The following DCTN4 variants were observed in gnomAD, a reference collection of about 807,000 sequenced individuals.
The protein encoded by DCTN4 is dynactin subunit 4, also known as dynactin 4 (p62).
Under a neutral mutation model 62.7 loss-of-function variants are expected in DCTN4, and 23 were observed. The ratio of observed to expected loss-of-function variants is 0.37; its 90% CI spans 0.26 to 0.52. The LOEUF (loss-of-function observed/expected upper bound fraction) is 0.52, where lower values mean the gene tolerates loss of function less well. Ranked by LOEUF, DCTN4 falls within the 20% of genes least tolerant of loss-of-function variation. DCTN4 has a pLI of 0.92. For missense variants in DCTN4, 514 were observed against 580.4 expected (o/e 0.89, Z 1.18); for synonymous variants, 199 against 202.1 (o/e 0.98, Z 0.13).
chr5:150,754,517 G>A (rs1752788103), intron 2 of DCTN4, among the ~76,000 whole-genome samples: 1 of 152,228 alleles, frequency 6.6e-6, no homozygotes, highest in Non-Finnish European at 1.5e-5. Context: ...ATGGGGGTAT[G>A]ACTAACAGCA....
intron 4 of DCTN4, chr5:150,734,219 C>A (rs1760492276): frequency 6.6e-6 from 1 of 152,114 alleles, no homozygotes; most frequent in African/African-American, 2.4e-5. Context: ...CAGGAACATA[C>A]TAGGAAAACT....
rs140284460 is a variant in DCTN4 at position 150,710,970 on chromosome 5, C to T, written c.*179G>A. ...GTGTCAACAGGGGTGAGAGCAAGAG[C>T]AACAGCAGCTACCCTGTGTTCCCAA... On this transcript the variant is annotated 3_prime_UTR_variant, in exon 13 of 13. Coordinates refer to ENST00000447998, the MANE Select transcript of DCTN4 (RefSeq NM_016221.4). 3.1e-4 allele frequency: 194 copies of T among 629,728 alleles called. No individual in the cohort carries two copies. Among genetic ancestry groups the T allele is most frequent in the Middle Eastern group, 1.3e-3 (3 of 2,288 alleles). The allele number at this position is 629,728 out of a possible 1,614,324, so 39.0% of individuals were successfully genotyped here. A position where few individuals can be genotyped will look rare whatever the true frequency, so the allele number is the denominator to read the frequency against.
At chr5:150,747,681 C>A (rs1245360090) in intron 3 of DCTN4, among the ~76,000 whole-genome samples, 1 of 151,354 alleles carries the variant, frequency 6.6e-6, no homozygotes, top group African/African-American at 2.4e-5. Flanking sequence ...GAAAAACAAG[C>A]AATGGGGAAA....
chr5:150,748,410 T>C (rs916086281), intron 3 of DCTN4, among the ~76,000 whole-genome samples: 19 of 152,086 alleles, frequency 1.2e-4, no homozygotes, highest in Admixed American at 2.0e-4. Context: ...CTAGAAATAC[T>C]ATTTGACCCA....
At chr5:150,746,349 T>C (rs1338280577) in intron 3 of DCTN4, among the ~76,000 whole-genome samples, 3 of 152,218 alleles carry the variant, frequency 2.0e-5, no homozygotes, top group Non-Finnish European at 4.4e-5. Flanking sequence ...AGCCAAATTC[T>C]ACCAGACGTA....
chr5:150,731,075 G>A lies in DCTN4; in HGVS notation c.693C>T (p.Asp231=), dbSNP rs1760343954. The A allele has an allele frequency of 6.2e-7, 1 of 1,608,430 alleles. No homozygotes were observed. The highest frequency in any genetic ancestry group is 1.7e-5 in the Admixed American group (1 of 59,986). ...AVDEVEPLPE[D]YYTRPVNLTE... is the part of the protein sequence containing the mutation. ...TTAAATTTACTGGTCTTGTATAATAGTCTTCAGGTAGAGGTTCCACTTCAT... is the reference window on the plus strand; with the variant it reads ...TTAAATTTACTGGTCTTGTATAATAATCTTCAGGTAGAGGTTCCACTTCAT... The change falls in exon 7 of 13, where the codon GAC becomes GAT. Residue 231 remains aspartate, a synonymous_variant. Transcript: ENST00000447998.
intron 9 of DCTN4, among the ~76,000 whole-genome samples, chr5:150,722,239 A>G (rs962011074): frequency 1.3e-5 from 2 of 152,230 alleles, no homozygotes; most frequent in African/African-American, 4.8e-5. Context: ...CTTACTCCAA[A>G]GCTAGACAAT....
intron 1 of DCTN4, chr5:150,758,160 G>A: frequency 1.1e-5 from 11 of 985,548 alleles, no homozygotes; most frequent in Non-Finnish European, 1.3e-5. Context: ...TGTGCCAAGC[G>A]CTGCAGAAGT....
intron 11 of DCTN4, among the ~76,000 whole-genome samples, chr5:150,716,747 G>A (rs142253204): frequency 0.017 from 2,585 of 152,110 alleles, 242 homozygotes; most frequent in Admixed American, 0.15. Flanking sequence ...GTGAAACCCC[G>A]TCTCTACTAA....
chr5:150,713,640 C>T (rs1481729942), intron 12 of DCTN4, among the ~76,000 whole-genome samples: 2 of 150,834 alleles, frequency 1.3e-5, no homozygotes, highest in Non-Finnish European at 3.0e-5. Context: ...GACAGGATTT[C>T]GCCATGTTGG....
rs541531968 is a variant in DCTN4, at chr5:150,725,205, T to TAA, written c.835-2226_835-2225insTT. The stretch of plus-strand genomic sequence containing the variant: ...AGTATCCCATATTAACACATTCTTT[T>TAA]ATAAATTTATAGTACTCATTCTGCG... On this transcript the variant is annotated intron_variant, in intron 8 of 12. Coordinates refer to ENST00000447998, the MANE Select transcript of DCTN4 (RefSeq NM_016221.4). 9.2e-5 allele frequency among the ~76,000 whole-genome samples: 14 copies of TAA among 151,758 alleles called. No homozygotes were observed. In the East Asian group the frequency reaches 2.1e-3, roughly 23 times the overall value.
chr5:150,719,704 C>G lies in DCTN4; in HGVS notation c.963+12G>C. The G allele has an allele frequency of 1.3e-6, 2 of 1,592,612 alleles. No homozygotes were observed. Among genetic ancestry groups the G allele is most frequent in the Non-Finnish European group, 1.7e-6 (2 of 1,160,988 alleles). On this transcript the variant is annotated intron_variant, in intron 10 of 12. Coordinates refer to ENST00000447998, the MANE Select transcript of DCTN4 (RefSeq NM_016221.4). ...AATCCTTTTTCTTCCTGTTAATGAG[C>G]AAGGTACTAACCTTCATGTAGCGAA...
Position 150,711,345 on chromosome 5 carries a change from T to C in DCTN4, c.1187A>G (p.Lys396Arg). The change falls in exon 13 of 13, where the codon AAG becomes AGG. Residue 396 changes from lysine (K) to arginine (R), a missense_variant. Transcript: ENST00000447998. Reference protein sequence around the residue: ...QDDPDIIAFRKANKVGIFIKV... With the variant: ...QDDPDIIAFRRANKVGIFIKV... ...GATGAAAATACCCACTTTGTTGGCCTTTCTGAAGGCTATAATGCTATGGAA... is the reference window on the plus strand; with the variant it reads ...GATGAAAATACCCACTTTGTTGGCCCTTCTGAAGGCTATAATGCTATGGAA... 2 of 1,613,088 alleles carry C rather than the reference T, an allele frequency of 1.2e-6. No individual in the cohort carries two copies. The highest frequency in any genetic ancestry group is 1.7e-6 in the Non-Finnish European group (2 of 1,179,988).
intron 4 of DCTN4, among the ~76,000 whole-genome samples, chr5:150,741,065 TG>T (rs1333435178): frequency 6.7e-6 from 1 of 148,756 alleles, no homozygotes; most frequent in Non-Finnish European, 1.5e-5. Context: ...TTTAAATGGC[TG>T]AGGTGGGAGG....
Position 150,756,472 on chromosome 5 carries a change from A to G in DCTN4, c.151T>C (p.Cys51Arg), listed in dbSNP as rs2113161694. The G allele has an allele frequency of 6.2e-7, 1 of 1,602,540 alleles. No homozygotes were observed. The change falls in exon 2 of 13, where the codon TGT becomes CGT. Residue 51 changes from cysteine (C) to arginine (R), a missense_variant. By Grantham distance (180) the Cys-to-Arg change is radical (BLOSUM62 -3). Transcript: ENST00000447998. ...GGCATATTTTCTAAACAACTGGGACAATAATGGGAGTCCACCTAGGAGGAA... is the reference window on the plus strand; with the variant it reads ...GGCATATTTTCTAAACAACTGGGACGATAATGGGAGTCCACCTAGGAGGAA... ...CVSHEVDSHY[C>R]PSCLENMPSA... is the part of the protein sequence containing the mutation.
intron 3 of DCTN4, among the ~76,000 whole-genome samples, chr5:150,752,405 A>G (rs1752708746): frequency 6.6e-6 from 1 of 152,230 alleles, no homozygotes; most frequent in Admixed American, 6.5e-5. Flanking sequence ...TCTTTCACTG[A>G]TAAACATTTT....
intron 4 of DCTN4, among the ~76,000 whole-genome samples, chr5:150,741,164 C>CAA (rs754641920): frequency 1.4e-4 from 8 of 58,202 alleles, no homozygotes; most frequent in African/African-American, 1.6e-4. Context: ...GATCCTGTCT[C>CAA]AAAAAAAAAA....
intron 3 of DCTN4, among the ~76,000 whole-genome samples, chr5:150,744,731 A>C (rs1348282669): frequency 1.3e-5 from 2 of 152,160 alleles, no homozygotes; most frequent in African/African-American, 4.8e-5. Context: ...TTTACAGACA[A>C]GCAAATGATG....
At chr5:150,730,267 G>C (rs1760310957) in intron 8 of DCTN4, among the ~76,000 whole-genome samples, 1 of 152,222 alleles carries the variant, frequency 6.6e-6, no homozygotes, top group Non-Finnish European at 1.5e-5. Context: ...CCTGGATTTT[G>C]CTGATTTTTC....
Sources: allele counts gnomAD v4.1 joint callset (sites outside exome capture counted in the v4.1 genomes callset), GRCh38; gene constraint gnomAD v4.1.1; transcripts MANE v1.5; gene names NCBI Gene and HGNC (gene_info 2026-07-23, HGNC 2026-07-21).